Variants in TBC1D31 observed in about 807,000 individuals in gnomAD.
TBC1D31 encodes the protein TBC1 domain family member 31.
TBC1D31 carries 99 observed loss-of-function variants against 132.9 expected under a neutral mutation model. The ratio of observed to expected loss-of-function variants is 0.74; its 90% CI spans 0.63 to 0.88. The LOEUF (loss-of-function observed/expected upper bound fraction) is 0.88, where lower values mean the gene tolerates loss of function less well. Ranked by LOEUF, TBC1D31 falls within the 40% of genes least tolerant of loss-of-function variation. TBC1D31 has a pLI of 0.00. For missense variants in TBC1D31, 1,134 were observed against 1,256.6 expected, an observed-to-expected ratio of 0.90 and a Z score of 1.48; for synonymous variants, 385 against 419.4, an observed-to-expected ratio of 0.92 and a Z score of 1.00.
rs374092380 is a variant in TBC1D31 at position 123,147,583 on chromosome 8, C to G, written c.2975-2453C>G. 2.0e-5 allele frequency among the ~76,000 whole-genome samples: 3 copies of G among 152,172 alleles called. No homozygotes were observed. The East Asian group carries it at 5.8e-4, about 29-fold the overall frequency. On this transcript the variant is annotated intron_variant, in intron 20 of 21. Transcript: ENST00000287380. ...TTCGTCATCGGTAGTTTTCCTACAC[C>G]TTTGCCCCTCTGCCTCCATGATGTC...
intron 5 of TBC1D31, among the ~76,000 whole-genome samples, chr8:123,094,214 G>T (rs1052073355): frequency 1.3e-5 from 2 of 151,916 alleles, no homozygotes; most frequent in Admixed American, 1.3e-4. Flanking sequence ...ATAGGCACGT[G>T]CCACCATACT....
At chr8:123,135,594 C>CA (rs1297205151) in intron 17 of TBC1D31, among the ~76,000 whole-genome samples, 2 of 150,036 alleles carry the variant, frequency 1.3e-5, no homozygotes, top group African/African-American at 2.4e-5. Flanking sequence ...GACCCTGTCT[C>CA]AAAAAAAAAG....
the TBC1D31 span, among the ~76,000 whole-genome samples, chr8:123,164,603 T>C: frequency 1.3e-5 from 2 of 151,932 alleles, no homozygotes; most frequent in Non-Finnish European, 2.9e-5. Context: ...GTGCCTGTAA[T>C]CCTAGCTACT....
Position 123,144,708 on chromosome 8 carries a change from T to G in TBC1D31, c.2836-9T>G. 6.3e-7 allele frequency: 1 copy of G among 1,596,074 alleles called. No individual in the cohort carries two copies. Among genetic ancestry groups the G allele is most frequent in the African/African-American group, 1.4e-5 (1 of 73,592 alleles). Reference sequence around the variant, plus strand: ...TATGTAATCTTTTTTTCCATTTATTTGAATTTAGTGGAAGGAAGCTGAAGG... The same window carrying G: ...TATGTAATCTTTTTTTCCATTTATTGGAATTTAGTGGAAGGAAGCTGAAGG... On this transcript the variant is annotated splice_polypyrimidine_tract_variant and intron_variant, in intron 19 of 21. Coordinates refer to ENST00000287380, the MANE Select transcript of TBC1D31 (RefSeq NM_145647.4).
At chr8:123,111,663 TAC>T (rs906858422) in intron 10 of TBC1D31, among the ~76,000 whole-genome samples, 204 of 151,506 alleles carry the variant, frequency 1.3e-3, no homozygotes, top group African/African-American at 4.7e-3. Flanking sequence ...TTAACACACA[TAC>T]ACACACACAC....
At chr8:123,113,716 T>C (rs1293865645) in intron 10 of TBC1D31, among the ~76,000 whole-genome samples, 7 of 151,572 alleles carry the variant, frequency 4.6e-5, no homozygotes, top group African/African-American at 7.3e-5. Context: ...CTTTAAATTA[T>C]AATCCTAGTT....
intron 11 of TBC1D31, among the ~76,000 whole-genome samples, chr8:123,125,308 G>A (rs1819931171): frequency 6.6e-6 from 1 of 152,208 alleles, no homozygotes; most frequent in Non-Finnish European, 1.5e-5. Flanking sequence ...ATTACAGAGT[G>A]CAAGTGAGTC....
chr8:123,094,519 A>G (rs939584322), intron 5 of TBC1D31, among the ~76,000 whole-genome samples: 1 of 146,232 alleles, frequency 6.8e-6, no homozygotes, highest in Non-Finnish European at 1.5e-5. Context: ...TTATTTATTT[A>G]TTTATTTATT....
At chr8:123,158,263 T>A in the TBC1D31 span, among the ~76,000 whole-genome samples, 7 of 146,270 alleles carry the variant, frequency 4.8e-5, no homozygotes, top group Non-Finnish European at 1.0e-4. Context: ...CATACATAAC[T>A]ATTATAATAA....
chr8:123,144,802 T>C lies in TBC1D31; in HGVS notation c.2921T>C (p.Leu974Ser), dbSNP rs772750343. ...ALSDASRKWF[L>S]KQEINAAVEH... ...TCAGATGCGTCTAGAAAGTGGTTTT[T>C]AAAGCAAGAGATAAATGCGGCTGTA... is the stretch of plus-strand genomic sequence containing the variant. The change falls in exon 20 of 22, where the codon TTA (leucine) becomes TCA (serine). Residue 974 changes from leucine (L) to serine (S), a missense_variant. Transcript: ENST00000287380. 8.7e-6 allele frequency: 14 copies of C among 1,613,810 alleles called. No homozygotes were observed. The Admixed American group carries it at 1.5e-4, about 17-fold the overall frequency.
chr8:123,120,190 T>C lies in TBC1D31; in HGVS notation c.1570+2T>C, dbSNP rs1268367499. Reference sequence around the variant, plus strand: ...TTGAAGTTATTGCTACTCTCATAAGTAAGTAAATACTTGTTAAAGTATAAG... The same window carrying C: ...TTGAAGTTATTGCTACTCTCATAAGCAAGTAAATACTTGTTAAAGTATAAG... On this transcript the variant is annotated splice_donor_variant, in intron 11 of 21. Transcript: ENST00000287380. LOFTEE classifies it high-confidence loss of function. 1 of 1,596,576 alleles carries C rather than the reference T, an allele frequency of 6.3e-7. No individual in the cohort carries two copies. Among genetic ancestry groups the C allele is most frequent in the South Asian group, 1.1e-5 (1 of 87,906 alleles).
At chr8:123,132,162 A>G (rs1820689802) in intron 16 of TBC1D31, among the ~76,000 whole-genome samples, 1 of 152,130 alleles carries the variant, frequency 6.6e-6, no homozygotes, top group Non-Finnish European at 1.5e-5. Flanking sequence ...TGTTTGAATG[A>G]CAGTAGCTTT....
rs758030979 is a variant in TBC1D31 at position 123,084,156 on chromosome 8, CCA to C, written c.341-3_341-2del. On this transcript the variant is annotated splice_region_variant and splice_polypyrimidine_tract_variant and intron_variant, in intron 3 of 21. Coordinates refer to ENST00000287380, the MANE Select transcript of TBC1D31 (RefSeq NM_145647.4). ...ACCTGGGTAACAATTTTACTTTTTA[CCA>C]CAGTCACCAAGGAGCTAGTTAGCTG... 1 of 1,613,074 alleles carries C rather than the reference CCA, an allele frequency of 6.2e-7. No individual in the cohort carries two copies. Among genetic ancestry groups the C allele is most frequent in the East Asian group, 2.2e-5 (1 of 44,850 alleles).
At chr8:123,141,317 T>G (rs7000247) in intron 18 of TBC1D31, among the ~76,000 whole-genome samples, 12,073 of 152,286 alleles carry the variant, frequency 0.079, 611 homozygotes, top group Admixed American at 0.16. Context: ...GCATGGTATG[T>G]AAGCCAGCAC....
At chr8:123,138,631 A>G (rs1821322560) in intron 17 of TBC1D31, among the ~76,000 whole-genome samples, 1 of 152,206 alleles carries the variant, frequency 6.6e-6, no homozygotes, top group Admixed American at 6.5e-5. Context: ...TTCTGTGCCC[A>G]TGGATTTGCC....
At chr8:123,087,142 A>G (rs967584792) in intron 4 of TBC1D31, among the ~76,000 whole-genome samples, 1 of 152,234 alleles carries the variant, frequency 6.6e-6, no homozygotes, top group Admixed American at 6.5e-5. Context: ...TCAAATGAGC[A>G]CACAGGCCCT....
intron 10 of TBC1D31, among the ~76,000 whole-genome samples, chr8:123,114,059 C>A (rs935214673): frequency 1.3e-5 from 2 of 152,034 alleles, no homozygotes; most frequent in African/African-American, 2.4e-5. Flanking sequence ...ATAAGAAAAT[C>A]ATCCCTCCCC....
chr8:123,133,139 C>T (rs752747510), intron 16 of TBC1D31, among the ~76,000 whole-genome samples: 23 of 152,366 alleles, frequency 1.5e-4, no homozygotes, highest in Non-Finnish European at 2.5e-4. Context: ...GTGACAAGTA[C>T]ATGTGACTGT....
chr8:123,109,734 T>C, intron 10 of TBC1D31, 114 bp downstream of exon 10: 1 of 977,752 alleles, frequency 1.0e-6, no homozygotes, highest in Non-Finnish European at 1.5e-6. Flanking sequence ...CCTTATGTGA[T>C]ATGTTGGTTT....
Sources: allele counts gnomAD v4.1 joint callset (sites outside exome capture counted in the v4.1 genomes callset), GRCh38; gene constraint gnomAD v4.1.1; transcripts MANE v1.5; gene names NCBI Gene and HGNC (gene_info 2026-07-23, HGNC 2026-07-21).